PTPRT: variants seen among roughly 807,000 people sequenced by gnomAD.
The protein encoded by PTPRT is receptor-type tyrosine-protein phosphatase T.
PTPRT carries 56 observed loss-of-function variants against 176.8 expected under a neutral mutation model. The observed-to-expected ratio is 0.32, with a 90% CI of 0.26 to 0.40. The LOEUF (loss-of-function observed/expected upper bound fraction) is 0.40, where lower values mean the gene tolerates loss of function less well. PTPRT is among the 10% of genes least tolerant of loss of function. PTPRT has a pLI of 1.00. For synonymous variants in PTPRT, 783 were observed against 739.0 expected, an observed-to-expected ratio of 1.06 and a Z score of -0.96; for missense variants, 1,540 against 1,908.2, an observed-to-expected ratio of 0.81 and a Z score of 3.60.
Position 42,791,187 on chromosome 20 carries a change from T to C in PTPRT, c.486+8A>G, listed in dbSNP as rs2077369208. 2 of 1,568,356 alleles carry C rather than the reference T, an allele frequency of 1.3e-6. No homozygotes were observed. The highest frequency in any genetic ancestry group is 1.7e-6 in the Non-Finnish European group (2 of 1,158,012). ...TTTCAAAAATAAAACCATGGTAAAATGCCATACCTGATAGAAATGTGGCCA... is the reference window on the plus strand; with the variant it reads ...TTTCAAAAATAAAACCATGGTAAAACGCCATACCTGATAGAAATGTGGCCA... On this transcript the variant is annotated splice_region_variant and intron_variant, in intron 3 of 30. Coordinates refer to ENST00000373187, the MANE Select transcript of PTPRT (RefSeq NM_007050.6).
chr20:42,585,000 A>T (rs1212418680), intron 7 of PTPRT, among the ~76,000 whole-genome samples: 1 of 152,166 alleles, frequency 6.6e-6, no homozygotes, highest in East Asian at 1.9e-4. Context: ...CCTGCTAGGG[A>T]TGTGTAAGAG....
intron 25 of PTPRT, among the ~76,000 whole-genome samples, chr20:42,102,629 C>G (rs563124223): frequency 5.9e-5 from 9 of 152,252 alleles, no homozygotes; most frequent in African/African-American, 1.9e-4. Context: ...AAAGGGTGGG[C>G]CAGCCAGGAG....
intron 8 of PTPRT, among the ~76,000 whole-genome samples, chr20:42,463,569 C>T (rs2145898516): frequency 6.6e-6 from 1 of 152,204 alleles, no homozygotes; most frequent in East Asian, 1.9e-4. Context: ...AGAGTGTTAT[C>T]AAGGGAAGTT....
intron 1 of PTPRT, among the ~76,000 whole-genome samples, chr20:43,102,495 G>A (rs1257722503): frequency 2.6e-5 from 4 of 152,188 alleles, no homozygotes; most frequent in African/African-American, 7.2e-5. Flanking sequence ...AAAAGTCAGA[G>A]AGAGAGAACA....
chr20:42,899,368 T>C (rs939712377), intron 1 of PTPRT, among the ~76,000 whole-genome samples: 4 of 152,220 alleles, frequency 2.6e-5, no homozygotes, highest in Non-Finnish European at 5.9e-5. Context: ...GTCTGAAGCC[T>C]GCAGAAGCCC....
At chr20:43,118,845 T>A (rs1031045212) in intron 1 of PTPRT, among the ~76,000 whole-genome samples, 1 of 152,338 alleles carries the variant, frequency 6.6e-6, no homozygotes, top group South Asian at 2.1e-4. Flanking sequence ...CCAAATCCTG[T>A]GTAAATGTTG....
chr20:42,617,003 C>A (rs2074093509), intron 7 of PTPRT, among the ~76,000 whole-genome samples: 1 of 135,464 alleles, frequency 7.4e-6, no homozygotes, highest in African/African-American at 3.3e-5. Context: ...GAGAGGGCAT[C>A]CCTGTCTTGT....
intron 7 of PTPRT, among the ~76,000 whole-genome samples, chr20:42,495,339 G>A (rs1464662642): frequency 6.6e-6 from 1 of 152,120 alleles, no homozygotes; most frequent in African/African-American, 2.4e-5. Flanking sequence ...TCTTCTCTAG[G>A]CCAGAGGGCA....
intron 1 of PTPRT, among the ~76,000 whole-genome samples, chr20:43,006,489 C>T (rs1299665814): frequency 6.6e-6 from 1 of 152,158 alleles, no homozygotes; most frequent in African/African-American, 2.4e-5. Flanking sequence ...GTAGTGTCTG[C>T]TCTGGTCTCT....
At chr20:42,301,283 A>T (rs2057464462) in intron 12 of PTPRT, among the ~76,000 whole-genome samples, 1 of 152,166 alleles carries the variant, frequency 6.6e-6, no homozygotes, top group African/African-American at 2.4e-5. Flanking sequence ...TTCCTGACAA[A>T]AATGCATAAC....
At chr20:42,917,721 C>T (rs1468618192) in intron 1 of PTPRT, among the ~76,000 whole-genome samples, 1 of 152,086 alleles carries the variant, frequency 6.6e-6, no homozygotes, top group Non-Finnish European at 1.5e-5. Flanking sequence ...GATGAGACAG[C>T]TACTACTGCC....
At chr20:43,021,846 G>C (rs894144488) in intron 1 of PTPRT, among the ~76,000 whole-genome samples, 1 of 149,902 alleles carries the variant, frequency 6.7e-6, no homozygotes, top group South Asian at 2.1e-4. Context: ...TTGAGTCAAG[G>C]GTGTATGGTT....
intron 13 of PTPRT, among the ~76,000 whole-genome samples, chr20:42,263,214 TTTTTC>T (rs1374097658): frequency 4.0e-5 from 6 of 151,606 alleles, no homozygotes; most frequent in South Asian, 4.2e-4. Context: ...CTCTCTCTCT[TTTTTC>T]TTTTCTTTTC....
rs563100946 is a variant in PTPRT at position 42,128,707 on chromosome 20, A to G, written c.2847+47T>C. On this transcript the variant is annotated intron_variant, in intron 19 of 30. Coordinates refer to ENST00000373187, the MANE Select transcript of PTPRT (RefSeq NM_007050.6). ...AGTTTGGGGTAAACCACAGATCTTGAGCCTGCAAAAGCCAGCCCCAGCCCC... is the reference window on the plus strand; with the variant it reads ...AGTTTGGGGTAAACCACAGATCTTGGGCCTGCAAAAGCCAGCCCCAGCCCC... 2.7e-6 allele frequency: 4 copies of G among 1,489,886 alleles called. No individual in the cohort carries two copies. In the African/African-American group the frequency reaches 5.6e-5, roughly 21 times the overall value. 92.3% of individuals were successfully genotyped at this position (1,489,886 alleles called of 1,614,324 possible). A position where few individuals can be genotyped will look rare whatever the true frequency, so the allele number is the denominator to read the frequency against.
intron 1 of PTPRT, among the ~76,000 whole-genome samples, chr20:43,004,926 T>C (rs1238679392): frequency 6.6e-6 from 1 of 152,164 alleles, no homozygotes; most frequent in Non-Finnish European, 1.5e-5. Context: ...GTGTGGGAAT[T>C]TGGCTTTGTA....
At chr20:42,662,600 A>G (rs1403922704) in intron 7 of PTPRT, among the ~76,000 whole-genome samples, 1 of 152,160 alleles carries the variant, frequency 6.6e-6, no homozygotes, top group Non-Finnish European at 1.5e-5. Context: ...GCAGCATTAT[A>G]CTAATTAACA....
intron 5 of PTPRT, among the ~76,000 whole-genome samples, chr20:42,766,872 G>A (rs1337886660): frequency 6.6e-6 from 1 of 152,226 alleles, no homozygotes; most frequent in Non-Finnish European, 1.5e-5. Flanking sequence ...ACAGCAGGAA[G>A]TAGCACTGCT....
At chr20:43,149,738 C>T (rs1215177213) in intron 1 of PTPRT, among the ~76,000 whole-genome samples, 1 of 152,150 alleles carries the variant, frequency 6.6e-6, no homozygotes, top group Non-Finnish European at 1.5e-5. Context: ...TGGTTCCTGC[C>T]GTAACAGCAT....
At chr20:42,565,832 A>T (rs960147722) in intron 7 of PTPRT, among the ~76,000 whole-genome samples, 2 of 151,892 alleles carry the variant, frequency 1.3e-5, no homozygotes, top group African/African-American at 4.8e-5. Flanking sequence ...TGGGTCCTGT[A>T]ACCTTCCTGC....
Sources: allele counts gnomAD v4.1 joint callset (sites outside exome capture counted in the v4.1 genomes callset), GRCh38; gene constraint gnomAD v4.1.1; transcripts MANE v1.5; gene names NCBI Gene and HGNC (gene_info 2026-07-23, HGNC 2026-07-21).